Variants in SCMH1 observed in about 807,000 individuals in gnomAD.
SCMH1 encodes polycomb protein SCMH1.
SCMH1 carries 37 observed loss-of-function variants against 70.8 expected under a neutral mutation model. The ratio of observed to expected loss-of-function variants is 0.52; its 90% CI spans 0.40 to 0.69. The LOEUF is 0.69. Ranked by LOEUF, SCMH1 falls within the 30% of genes least tolerant of loss-of-function variation. SCMH1 has a pLI of 0.00. For synonymous variants in SCMH1, 292 were observed against 307.4 expected (o/e 0.95, Z 0.52); for missense variants, 607 against 827.3 (o/e 0.73, Z 3.27).
chr1:41,034,688 C>T (rs1184665017), intron 13 of SCMH1, among the ~76,000 whole-genome samples: 1 of 152,058 alleles, frequency 6.6e-6, no homozygotes, highest in East Asian at 1.9e-4. Context: ...TCACACCTCA[C>T]TCATGCGTCC....
intron 1 of SCMH1, among the ~76,000 whole-genome samples, chr1:41,197,918 T>A (rs1486966717): frequency 9.2e-5 from 14 of 152,268 alleles, no homozygotes; most frequent in Admixed American, 7.9e-4. Flanking sequence ...ATAAACATAT[T>A]CCTTTTCTGG....
intron 8 of SCMH1, among the ~76,000 whole-genome samples, chr1:41,086,165 T>A (rs185593008): frequency 2.6e-5 from 4 of 152,260 alleles, no homozygotes; most frequent in Admixed American, 6.5e-5. Context: ...ACTACAAAAA[T>A]TTTAATTATG....
intron 8 of SCMH1, among the ~76,000 whole-genome samples, chr1:41,082,972 T>C (rs1660480279): frequency 6.6e-6 from 1 of 152,140 alleles, no homozygotes; most frequent in South Asian, 2.1e-4. Flanking sequence ...ATGGGACATA[T>C]CTCAAAATAG....
At chr1:41,055,601 C>A (rs989613436) in intron 10 of SCMH1, among the ~76,000 whole-genome samples, 1 of 152,168 alleles carries the variant, frequency 6.6e-6, no homozygotes, top group Non-Finnish European at 1.5e-5. Context: ...CAAAGTGCTG[C>A]GATTACAGGC....
chr1:41,210,614 TCCC>T (rs757328127), intron 1 of SCMH1, among the ~76,000 whole-genome samples: 2 of 152,150 alleles, frequency 1.3e-5, no homozygotes, highest in Non-Finnish European at 2.9e-5. Context: ...GGGGAAGGAT[TCCC>T]TATTTAATAA....
intron 13 of SCMH1, among the ~76,000 whole-genome samples, chr1:41,031,817 C>T (rs1644564573): frequency 6.6e-6 from 1 of 152,202 alleles, no homozygotes; most frequent in Admixed American, 6.5e-5. Flanking sequence ...TATATACATA[C>T]ATACATGATA....
intron 8 of SCMH1, among the ~76,000 whole-genome samples, chr1:41,102,693 G>A (rs139349728): frequency 2.6e-5 from 4 of 152,278 alleles, no homozygotes; most frequent in African/African-American, 9.6e-5. Flanking sequence ...ACTAAAAGGT[G>A]CAACTGACCT....
chr1:41,170,109 C>T (rs933204478), intron 2 of SCMH1, among the ~76,000 whole-genome samples: 7 of 152,158 alleles, frequency 4.6e-5, no homozygotes, highest in African/African-American at 1.7e-4. Context: ...ATGTATTGCT[C>T]CTGGGGGATG....
chr1:41,203,106 C>A (rs1056391308), intron 1 of SCMH1, among the ~76,000 whole-genome samples: 25 of 151,874 alleles, frequency 1.6e-4, no homozygotes, highest in Non-Finnish European at 4.4e-5. Flanking sequence ...GGCAAGTAAT[C>A]ATAAAAATCA....
At chr1:41,082,371 C>T (rs1360843553) in intron 8 of SCMH1, among the ~76,000 whole-genome samples, 2 of 152,152 alleles carry the variant, frequency 1.3e-5, no homozygotes, top group Non-Finnish European at 2.9e-5. Context: ...GATCTCTCGG[C>T]AGAAACTCCA....
rs777054730 is a variant in SCMH1, at chr1:41,046,612, A to T, written c.1307-14T>A. 2 of 1,610,222 alleles carry T rather than the reference A, an allele frequency of 1.2e-6. No homozygotes were observed. The highest frequency in any genetic ancestry group is 8.5e-7 in the Non-Finnish European group (1 of 1,176,636). On this transcript the variant is annotated splice_polypyrimidine_tract_variant and intron_variant, in intron 11 of 14. Coordinates refer to ENST00000337495, the Ensembl canonical transcript of SCMH1. ...GGTCAAACACGGCTGTGGAGTGAGTAAACAGGGCCAAGCATGTCAGCCTGG... is the reference window on the plus strand; with the variant it reads ...GGTCAAACACGGCTGTGGAGTGAGTTAACAGGGCCAAGCATGTCAGCCTGG...
intron 6 of SCMH1, among the ~76,000 whole-genome samples, chr1:41,137,086 C>T (rs988738478): frequency 6.6e-6 from 1 of 152,150 alleles, no homozygotes; most frequent in Non-Finnish European, 1.5e-5. Context: ...CGGCCAGGAC[C>T]AGTACTTTGA....
intron 12 of SCMH1, 116 bp from the exon 13 acceptor site, chr1:41,037,657 CAGG>C: frequency 1.2e-6 from 1 of 863,784 alleles, no homozygotes. Flanking sequence ...GGCAGGGACT[CAGG>C]AGGCCTGTGT....
chr1:41,177,743 A>C (rs1647377446), intron 2 of SCMH1, among the ~76,000 whole-genome samples: 1 of 152,236 alleles, frequency 6.6e-6, no homozygotes, highest in Non-Finnish European at 1.5e-5. Flanking sequence ...ACTATGTGAA[A>C]AGACCAAATC....
intron 5 of SCMH1, among the ~76,000 whole-genome samples, chr1:41,147,315 T>C (rs774242944): frequency 6.6e-6 from 1 of 152,164 alleles, no homozygotes; most frequent in Non-Finnish European, 1.5e-5. Flanking sequence ...GCAGATATCC[T>C]TGTCTTGTTC....
intron 10 of SCMH1, among the ~76,000 whole-genome samples, chr1:41,062,537 C>T (rs773253606): frequency 3.3e-5 from 5 of 151,716 alleles, no homozygotes; most frequent in Admixed American, 6.6e-5. Flanking sequence ...GTCAGGAATT[C>T]GAGACCAGCC....
At chr1:41,057,875 T>C (rs1210632574) in intron 10 of SCMH1, among the ~76,000 whole-genome samples, 1 of 151,770 alleles carries the variant, frequency 6.6e-6, no homozygotes, top group Non-Finnish European at 1.5e-5. Context: ...ACCTAGCACT[T>C]TGTGGGGGGT....
intron 6 of SCMH1, among the ~76,000 whole-genome samples, chr1:41,135,973 T>C (rs1643247153): frequency 6.6e-6 from 1 of 151,472 alleles, no homozygotes; most frequent in Non-Finnish European, 1.5e-5. Context: ...AGACAGGATC[T>C]CACTCTTTCA....
Position 41,144,927 on chromosome 1 carries a change from T to A in SCMH1, c.178-1815A>T, listed in dbSNP as rs571444643. Among the ~76,000 whole-genome samples the A allele has an allele frequency of 8.5e-4, 129 of 152,306 alleles. 2 individuals are homozygous for A. Among genetic ancestry groups the A allele is most frequent in the African/African-American group, 3.1e-3 (127 of 41,582 alleles). Reference sequence around the variant, plus strand: ...ATCTATTCAAATTCTTTGTCCATTTTAAAATCATGTTGTCTTTTAATTTCC... The same window carrying A: ...ATCTATTCAAATTCTTTGTCCATTTAAAAATCATGTTGTCTTTTAATTTCC... On this transcript the variant is annotated intron_variant, in intron 5 of 14. Coordinates refer to ENST00000337495, the Ensembl canonical transcript of SCMH1.
Sources: allele counts gnomAD v4.1 joint callset (sites outside exome capture counted in the v4.1 genomes callset), GRCh38; gene constraint gnomAD v4.1.1; transcripts MANE v1.5; gene names NCBI Gene and HGNC (gene_info 2026-07-23, HGNC 2026-07-21).